Variants in AFF2 observed in about 807,000 individuals in gnomAD.
AFF2 encodes the protein ALF transcription elongation factor 2.
Under a neutral mutation model 76.9 loss-of-function variants are expected in AFF2, and 14 were observed. The observed-to-expected ratio is 0.18, with a 90% CI of 0.12 to 0.28. AFF2 has a LOEUF of 0.28. Ranked by LOEUF, AFF2 falls within the 10% of genes least tolerant of loss-of-function variation. The pLI, the probability that AFF2 is intolerant of heterozygous loss-of-function variation, is 1.00. For synonymous variants in AFF2, 398 were observed against 366.7 expected, an observed-to-expected ratio of 1.09 and a Z score of -0.98; for missense variants, 868 against 1,001.1, an observed-to-expected ratio of 0.87 and a Z score of 1.79.
At chrX:148,763,470 A>ATT (rs1164034107) in intron 3 of AFF2, among the ~76,000 whole-genome samples, 10 of 102,730 alleles carry the variant, frequency 9.7e-5, no homozygotes, top group Admixed American at 9.6e-4. Context: ...CTTCCACCTG[A>ATT]TTTTTTTTTT....
At chrX:148,728,963 C>T (rs1361566298) in intron 3 of AFF2, among the ~76,000 whole-genome samples, 8 of 111,951 alleles carry the variant, frequency 7.1e-5, no homozygotes, top group East Asian at 5.7e-4. Flanking sequence ...GGGAAGGTTG[C>T]GGTTATTCTG....
At chrX:148,817,477 C>T (rs1279627372) in intron 4 of AFF2, among the ~76,000 whole-genome samples, 1 of 111,288 alleles carries the variant, frequency 9.0e-6, no homozygotes, top group Non-Finnish European at 1.9e-5. Context: ...GAAATGAAGA[C>T]TCTCCCCACC....
intron 1 of AFF2, among the ~76,000 whole-genome samples, chrX:148,644,878 C>T (rs1365040494): frequency 1.8e-5 from 2 of 111,724 alleles, no homozygotes; most frequent in African/African-American, 3.3e-5. Flanking sequence ...CAATGTATGC[C>T]CTGAGCCTGG....
chrX:148,991,012 A>T (rs1226738202), intron 20 of AFF2, among the ~76,000 whole-genome samples, 199 bp from the exon 21 acceptor site: 1 of 112,174 alleles, frequency 8.9e-6, no homozygotes, highest in African/African-American at 3.2e-5. Context: ...AGATTAAAAT[A>T]ATAGGGCTTG....
chrX:148,557,760 A>T, intron 1 of AFF2, among the ~76,000 whole-genome samples: 1 of 112,476 alleles, frequency 8.9e-6, no homozygotes, highest in Non-Finnish European at 1.9e-5. Context: ...GCATGGAAAC[A>T]TTCTCAAAAA....
chrX:148,987,084 T>C (rs1002393634), intron 19 of AFF2, among the ~76,000 whole-genome samples: 1 of 110,795 alleles, frequency 9.0e-6, no homozygotes, highest in Non-Finnish European at 1.9e-5. Context: ...ATGAGGCAGG[T>C]ATGGGGTGGT....
intron 9 of AFF2, among the ~76,000 whole-genome samples, chrX:148,921,999 AT>A (rs2071601144): frequency 8.9e-6 from 1 of 111,865 alleles, no homozygotes; most frequent in Admixed American, 9.5e-5. Flanking sequence ...CACAGTCATT[AT>A]AAGTTTTGCC....
intron 3 of AFF2, among the ~76,000 whole-genome samples, chrX:148,746,673 G>A (rs1308968265): frequency 4.4e-5 from 5 of 112,552 alleles, no homozygotes; most frequent in South Asian, 7.3e-4. Flanking sequence ...CTCATTCTAC[G>A]TTTCCTGCAA....
At chrX:148,522,007 G>A (rs1027995289) in intron 1 of AFF2, among the ~76,000 whole-genome samples, 1 of 112,223 alleles carries the variant, frequency 8.9e-6, no homozygotes, top group African/African-American at 3.2e-5. Context: ...CACAGTGCAA[G>A]CATTTGTCAC....
Position 148,500,892 on chromosome X carries a change from C to A in AFF2, c.-206C>A. 1 of 406,105 alleles carries A rather than the reference C, an allele frequency of 2.5e-6. No homozygotes were observed. The highest frequency in any genetic ancestry group is 4.6e-5 in the South Asian group (1 of 21,580). The allele number at this position is 406,105 out of a possible 1,213,427, so 33.5% of individuals were successfully genotyped here. Reference sequence around the variant, plus strand: ...CGACCAGGCGCTTGCCCGCCCAGTGCCACTGCCGCCGCTTCCTCGCCGGAG... The same window carrying A: ...CGACCAGGCGCTTGCCCGCCCAGTGACACTGCCGCCGCTTCCTCGCCGGAG... On this transcript the variant is annotated 5_prime_UTR_variant, in exon 1 of 21. Coordinates refer to ENST00000370460, the MANE Select transcript of AFF2 (RefSeq NM_002025.4).
chrX:148,850,625 CTT>C (rs1344178434), intron 7 of AFF2, among the ~76,000 whole-genome samples: 69 of 112,394 alleles, frequency 6.1e-4, no homozygotes, highest in Non-Finnish European at 1.1e-3. Context: ...TATGCACACT[CTT>C]TTTTCAGTTA....
intron 1 of AFF2, among the ~76,000 whole-genome samples, chrX:148,595,194 T>C (rs1340811453): frequency 1.8e-5 from 2 of 112,113 alleles, no homozygotes; most frequent in African/African-American, 6.5e-5. Context: ...ATATTTCTAC[T>C]TAGCCAAATT....
At chrX:148,817,207 T>A (rs1442381526) in intron 4 of AFF2, among the ~76,000 whole-genome samples, 1 of 110,884 alleles carries the variant, frequency 9.0e-6, no homozygotes, top group African/African-American at 3.3e-5. Flanking sequence ...AATAAAACAA[T>A]AATACAATAA....
chrX:148,939,965 T>C (rs1466235268), intron 9 of AFF2, among the ~76,000 whole-genome samples: 1 of 112,041 alleles, frequency 8.9e-6, no homozygotes. Flanking sequence ...GAAATATAAT[T>C]ATAGTGAAAG....
At chrX:148,875,591 G>A (rs1304247020) in intron 7 of AFF2, among the ~76,000 whole-genome samples, 11 of 111,289 alleles carry the variant, frequency 9.9e-5, no homozygotes, top group African/African-American at 3.6e-4. Context: ...TTTCTTTTTT[G>A]TTTTAAAGTA....
At chrX:148,576,793 A>G (rs199716881) in intron 1 of AFF2, among the ~76,000 whole-genome samples, 13 of 103,468 alleles carry the variant, frequency 1.3e-4, no homozygotes, top group South Asian at 4.5e-4. Flanking sequence ...GTGTGTGTGT[A>G]TGTGTGTGTG....
chrX:148,566,897 A>G (rs1406509501), intron 1 of AFF2, among the ~76,000 whole-genome samples: 2 of 111,657 alleles, frequency 1.8e-5, no homozygotes, highest in Non-Finnish European at 3.8e-5. Context: ...CTTGGACTGG[A>G]TTAGACTCTC....
At chrX:148,913,026 T>C (rs1436094784) in intron 9 of AFF2, among the ~76,000 whole-genome samples, 2 of 113,330 alleles carry the variant, frequency 1.8e-5, no homozygotes, top group African/African-American at 6.4e-5. Flanking sequence ...AATAGCTGCA[T>C]AAAATAAATT....
At chrX:148,788,737 C>T (rs782767659) in intron 3 of AFF2, among the ~76,000 whole-genome samples, 1 of 112,071 alleles carries the variant, frequency 8.9e-6, no homozygotes, top group Non-Finnish European at 1.9e-5. Context: ...GTGATGGTAG[C>T]GTGTGGAGGG....
Sources: gnomAD v4.1 joint callset for allele counts (sites outside exome capture counted in the v4.1 genomes callset) on GRCh38, gnomAD v4.1.1 for gene constraint, MANE v1.5 for transcripts, NCBI Gene and HGNC (gene_info 2026-07-23, HGNC 2026-07-21) for gene names.